The following MAP7D1 variants were observed in gnomAD, a reference collection of about 807,000 sequenced individuals.
MAP7D1 encodes MAP7 domain containing 1, also known as MAP7 domain-containing protein 1.
Under a neutral mutation model 97.5 loss-of-function variants are expected in MAP7D1, and 30 were observed. The observed-to-expected ratio is 0.31, with a 90% CI of 0.23 to 0.42. The LOEUF is 0.42. Among genes scored for constraint, MAP7D1 ranks in the 10% least tolerant of loss-of-function variants. The probability of loss-of-function intolerance (pLI) is 1.00; values close to 1 mark genes in which losing one functional copy is unlikely to be tolerated. For synonymous variants in MAP7D1, 536 were observed against 477.1 expected (o/e 1.12, Z -1.61); for missense variants, 1,184 against 1,179.5 (o/e 1.00, Z -0.06).
intron 1 of MAP7D1, among the ~76,000 whole-genome samples, chr1:36,157,635 C>T (rs1422041861): frequency 6.6e-6 from 1 of 152,168 alleles, no homozygotes; most frequent in East Asian, 1.9e-4. Context: ...GCCCCATCCC[C>T]ACACCCCCAT....
At chr1:36,160,089 A>C (rs893346177) in intron 1 of MAP7D1, among the ~76,000 whole-genome samples, 1 of 152,246 alleles carries the variant, frequency 6.6e-6, no homozygotes, top group African/African-American at 2.4e-5. Flanking sequence ...CCATCAGGTC[A>C]GGTCTCAGGT....
chr1:36,178,890 A>G (rs1192403868), intron 11 of MAP7D1, 31 bp from the exon 12 acceptor site: 23 of 1,550,226 alleles, frequency 1.5e-5, no homozygotes, highest in Non-Finnish European at 1.9e-5. Flanking sequence ...GCTGGAGTCA[A>G]GTGCCCCACG....
chr1:36,165,549 G>A (rs1309720219), intron 1 of MAP7D1, among the ~76,000 whole-genome samples: 1 of 148,444 alleles, frequency 6.7e-6, no homozygotes, highest in Non-Finnish European at 1.5e-5. Context: ...TGTAACCTCA[G>A]TCTCTATTTC....
At chr1:36,168,026 G>A (rs986050360) in intron 1 of MAP7D1, among the ~76,000 whole-genome samples, 3 of 152,208 alleles carry the variant, frequency 2.0e-5, no homozygotes, top group Admixed American at 1.3e-4. Flanking sequence ...GCTGGGTGCG[G>A]TGGCTCACGC....
intron 5 of MAP7D1, 60 bp from the exon 6 acceptor site, chr1:36,174,838 G>A (rs560360767): frequency 8.7e-6 from 8 of 915,616 alleles, no homozygotes; most frequent in African/African-American, 6.6e-5. Context: ...GGAAGGCCTC[G>A]GTGCCCCCCA....
At chr1:36,166,577 G>C (rs1644477616) in intron 1 of MAP7D1, among the ~76,000 whole-genome samples, 1 of 152,086 alleles carries the variant, frequency 6.6e-6, no homozygotes, top group Admixed American at 6.6e-5. Context: ...TTTTAGTACA[G>C]ACGGGGTTTC....
intron 13 of MAP7D1, 89 bp from the exon 14 acceptor site, chr1:36,179,426 C>T (rs761269303): frequency 1.2e-5 from 19 of 1,568,402 alleles, no homozygotes; most frequent in African/African-American, 2.7e-5. Context: ...GAGGCCGCTG[C>T]GGCCCGGGCA....
chr1:36,178,216 A>T lies in MAP7D1; in HGVS notation c.1708+15A>T. 6.5e-7 allele frequency: 1 copy of T among 1,537,474 alleles called. No individual in the cohort carries two copies. Among genetic ancestry groups the T allele is most frequent in the African/African-American group, 1.4e-5 (1 of 72,944 alleles). On this transcript the variant is annotated intron_variant, in intron 9 of 16. Transcript: ENST00000474796. Reference sequence around the variant, plus strand: ...GACCCCTACAGGTAGGAATGAAGAGAGGGGAGGGGTGGGCCGAGCGAGAGA... The same window carrying T: ...GACCCCTACAGGTAGGAATGAAGAGTGGGGAGGGGTGGGCCGAGCGAGAGA...
chr1:36,171,620 A>G, intron 3 of MAP7D1, 39 bp downstream of exon 3: 3 of 1,604,400 alleles, frequency 1.9e-6, no homozygotes, highest in Non-Finnish European at 2.6e-6. Context: ...CTTCATCGTC[A>G]TCATCAGCAT....
chr1:36,179,075 C>A (rs368274165), intron 12 of MAP7D1, 50 bp downstream of exon 12: 3 of 1,507,700 alleles, frequency 2.0e-6, no homozygotes, highest in Non-Finnish European at 2.7e-6. Context: ...GCAGGGCGGG[C>A]CAGGTGGGCG....
chr1:36,156,417 C>T lies in MAP7D1; in HGVS notation c.-1C>T. 6.7e-7 allele frequency: 1 copy of T among 1,483,964 alleles called. No homozygotes were observed. Among genetic ancestry groups the T allele is most frequent in the Non-Finnish European group, 8.9e-7 (1 of 1,124,932 alleles). The allele number at this position is 1,483,964 out of a possible 1,614,324, so 91.9% of individuals were successfully genotyped here. A position where few individuals can be genotyped will look rare whatever the true frequency, so the allele number is the denominator to read the frequency against. On this transcript the variant is annotated 5_prime_UTR_variant, in exon 1 of 17. Transcript: ENST00000474796. ...CCGAGACCCCCAGTGACGCCGCAGC[C>T]ATGGAGAGCGGCCCGCGTGCGGAGC...
At position 36,179,013 on chromosome 1, in the gene MAP7D1, A is replaced by G; in HGVS notation, c.2118A>G (p.Gln706=). ...TCCAGCAGCAGGAGCAAGAGCGGCA[A>G]GAGCGCAGAAAGGTGTGCGGACCTG... ...KHFQQQEQER[Q]ERRKRLEEIM... is the part of the protein sequence containing the mutation. The change falls in exon 12 of 17, where the codon CAA becomes CAG. Residue 706 remains glutamine (Q), a synonymous_variant. Transcript: ENST00000474796. The G allele has an allele frequency of 6.5e-7, 1 of 1,536,394 alleles. No individual in the cohort carries two copies. The highest frequency in any genetic ancestry group is 1.2e-5 in the South Asian group (1 of 83,940).
chr1:36,172,856 T>C (rs1644565493), intron 4 of MAP7D1, among the ~76,000 whole-genome samples: 1 of 152,272 alleles, frequency 6.6e-6, no homozygotes, highest in African/African-American at 2.4e-5. Flanking sequence ...AACTGTTTAC[T>C]GTCAGTACCT....
intron 1 of MAP7D1, among the ~76,000 whole-genome samples, chr1:36,169,651 TCTC>T (rs1193193360): frequency 6.6e-6 from 1 of 152,098 alleles, no homozygotes; most frequent in Non-Finnish European, 1.5e-5. Flanking sequence ...TTCCCATTGA[TCTC>T]CTCAGTGCCT....
In MAP7D1 at chr1:36,177,613, C is replaced by G. The variant is rs761275575; in HGVS notation, c.1380-260C>G. The G allele has an allele frequency of 8.4e-6, 6 of 712,930 alleles. No individual in the cohort carries two copies. The South Asian group carries it at 9.1e-5, about 11-fold the overall frequency. The allele number at this position is 712,930 out of a possible 1,614,324, so 44.2% of individuals were successfully genotyped here. ...TGCTGAGGACACGTTGCTGAGCTAA[C>G]CCAAGCATGGTTTTTTCTCTTATTA... On this transcript the variant is annotated intron_variant, in intron 8 of 16. Coordinates refer to ENST00000474796, the MANE Select transcript of MAP7D1 (RefSeq NM_001388490.1).
intron 1 of MAP7D1, among the ~76,000 whole-genome samples, chr1:36,157,922 C>T (rs931056475): frequency 6.6e-6 from 1 of 152,096 alleles, no homozygotes; most frequent in African/African-American, 2.4e-5. Flanking sequence ...TTGGCTGAAC[C>T]TGAGAGGGGA....
chr1:36,176,460 C>G lies in MAP7D1; in HGVS notation c.1112C>G (p.Thr371Arg). 1.3e-6 allele frequency: 2 copies of G among 1,496,618 alleles called. No individual in the cohort carries two copies. The highest frequency in any genetic ancestry group is 1.8e-6 in the Non-Finnish European group (2 of 1,129,576). The allele number at this position is 1,496,618 out of a possible 1,614,324, so 92.7% of individuals were successfully genotyped here. A position where few individuals can be genotyped will look rare whatever the true frequency, so the allele number is the denominator to read the frequency against. ...CGCTCGGCCTCCGCCAGCCCCCTGA[C>G]GCCGTGCAGCGTCACCCGAAGCGTG... ...CPRSASASPL[T>R]PCSVTRSVHR... The change falls in exon 7 of 17, where the codon ACG (threonine) becomes AGG (arginine). Residue 371 changes from threonine to arginine, a missense_variant. Thr to Arg is a moderately conservative substitution (Grantham distance 71, BLOSUM62 -1). Transcript: ENST00000474796. This position sits in a 1 kb window ranked among gnomAD's most constrained non-coding sequence, Gnocchi z 6.1.
Position 36,176,402 on chromosome 1 carries a change from ACTCATCC to A in MAP7D1, c.1058_1064del (p.His353LeufsTer16). 1 of 1,533,824 alleles carries A rather than the reference ACTCATCC, an allele frequency of 6.5e-7. No individual in the cohort carries two copies. Among genetic ancestry groups the A allele is most frequent in the Non-Finnish European group, 8.7e-7 (1 of 1,147,864 alleles). ...GGCGCGCGGGCCGCAACCCGACCGC[ACTCATCC>A]CTCTGCAGCCGTGCCGGTGTGCCCG... On this transcript the variant is annotated frameshift_variant, in exon 7 of 17. Coordinates refer to ENST00000474796, the MANE Select transcript of MAP7D1 (RefSeq NM_001388490.1). LOFTEE classifies it high-confidence loss of function. This position sits in a 1 kb window ranked among gnomAD's most constrained non-coding sequence, Gnocchi z 6.1.
rs1382799248 is a variant in MAP7D1, at chr1:36,176,730, G to A, written c.1267G>A (p.Glu423Lys). The A allele has an allele frequency of 2.5e-6, 4 of 1,603,942 alleles. No individual in the cohort carries two copies. Among genetic ancestry groups the A allele is most frequent in the Middle Eastern group, 1.7e-4 (1 of 6,036 alleles). Residue 423 changes from glutamate to lysine, a missense_variant, in exon 8 of 17, where the codon GAA (glutamate) becomes AAA (lysine). Physicochemically the swap from Glu to Lys is moderately conservative, Grantham distance 56. Coordinates refer to ENST00000474796, the MANE Select transcript of MAP7D1 (RefSeq NM_001388490.1). This position sits in a 1 kb window ranked among gnomAD's most constrained non-coding sequence, Gnocchi z 6.1. The part of the protein sequence containing the change: ...QKKEKKDKER[E>K]NEKEKSALAR... ...AAAGGAGAAGAAGGACAAGGAGCGG[G>A]AAAACGAGAAGGAGAAGAGTGCCCT...
Sources: allele counts gnomAD v4.1 joint callset (sites outside exome capture counted in the v4.1 genomes callset), GRCh38; gene constraint gnomAD v4.1.1; non-coding constraint Gnocchi (gnomAD v3.1); transcripts MANE v1.5; gene names NCBI Gene and HGNC (gene_info 2026-07-23, HGNC 2026-07-21).